The following ATXN2 variants were observed in gnomAD, a reference collection of about 807,000 sequenced individuals.
ATXN2 encodes the protein ataxin-2.
In ATXN2, 37 loss-of-function variants were observed where a neutral mutation model predicts 138.6. That is an observed-to-expected ratio of 0.27 (90% CI 0.21 to 0.35). The LOEUF (loss-of-function observed/expected upper bound fraction) is 0.35, where lower values mean the gene tolerates loss of function less well. ATXN2 is among the 10% of genes least tolerant of loss of function. The pLI, the probability that ATXN2 is intolerant of heterozygous loss-of-function variation, is 1.00. For missense variants in ATXN2, 1,216 were observed against 1,480.3 expected, an observed-to-expected ratio of 0.82 and a Z score of 2.93; for synonymous variants, 549 against 543.7, an observed-to-expected ratio of 1.01 and a Z score of -0.13.
At chr12:111,521,704 C>T (rs1880165727) in intron 6 of ATXN2, among the ~76,000 whole-genome samples, 1 of 152,198 alleles carries the variant, frequency 6.6e-6, no homozygotes, top group Non-Finnish European at 1.5e-5. Context: ...GGTAACTCCA[C>T]AATTCTACGA....
intron 15 of ATXN2, among the ~76,000 whole-genome samples, chr12:111,487,083 C>CT (rs927171584): frequency 3.5e-4 from 51 of 147,510 alleles, no homozygotes; most frequent in Middle Eastern, 3.5e-3. Flanking sequence ...TCAAAAAATA[C>CT]TTTTTTTTTT....
chr12:111,516,053 T>C lies in ATXN2; in HGVS notation c.1375+101A>G, dbSNP rs574268542. On this transcript the variant is annotated intron_variant, in intron 10 of 24. Coordinates refer to ENST00000673436, the MANE Select transcript of ATXN2 (RefSeq NM_001372574.1). The surrounding 1 kb of genome is among the most constrained non-coding windows in gnomAD (Gnocchi z 5.0). ...AACTAAAGTTAAAACACAGAAATTA[T>C]AGGTTATTAAATAATGAAGAGGAAA... 21 of 1,104,694 alleles carry C rather than the reference T, an allele frequency of 1.9e-5. No homozygotes were observed. The highest frequency in any genetic ancestry group is 5.0e-5 in the African/African-American group (3 of 60,486). 68.4% of individuals were successfully genotyped at this position (1,104,694 alleles called of 1,614,324 possible).
At chr12:111,563,091 A>C (rs1471969227) in intron 1 of ATXN2, among the ~76,000 whole-genome samples, 2 of 152,184 alleles carry the variant, frequency 1.3e-5, no homozygotes, top group African/African-American at 4.8e-5. Context: ...ATCTGAATCT[A>C]ATCATAAGGA....
At chr12:111,498,311 T>C (rs1388313861) in intron 14 of ATXN2, among the ~76,000 whole-genome samples, 3 of 152,158 alleles carry the variant, frequency 2.0e-5, no homozygotes, top group Non-Finnish European at 4.4e-5. Context: ...TGATCTTACA[T>C]TTGGAAAAAC....
chr12:111,544,420 G>T (rs570682809), intron 5 of ATXN2, among the ~76,000 whole-genome samples: 1 of 152,266 alleles, frequency 6.6e-6, no homozygotes, highest in Non-Finnish European at 1.5e-5. Context: ...TGTACTATGT[G>T]CCAAAGCACT....
intron 8 of ATXN2, among the ~76,000 whole-genome samples, chr12:111,518,905 T>C (rs1301691092): frequency 6.6e-6 from 1 of 152,186 alleles, no homozygotes; most frequent in East Asian, 1.9e-4. Context: ...GACTCTAAGC[T>C]GACTGCCTTT....
At chr12:111,485,377 T>C (rs538615024) in intron 17 of ATXN2, 46 bp from the exon 18 acceptor site, 10 of 1,513,094 alleles carry the variant, frequency 6.6e-6, no homozygotes, top group South Asian at 4.6e-5. Flanking sequence ...CCTATGATAA[T>C]AACAAGGTAT....
chr12:111,598,490 G>A lies in ATXN2; in HGVS notation c.251+294C>T, dbSNP rs949341353. 1.0e-6 allele frequency: 1 copy of A among 985,142 alleles called. No homozygotes were observed. Among genetic ancestry groups the A allele is most frequent in the Non-Finnish European group, 1.2e-6 (1 of 829,874 alleles). The allele number at this position is 985,142 out of a possible 1,614,324, so 61.0% of individuals were successfully genotyped here. On this transcript the variant is annotated intron_variant, in intron 1 of 24. Coordinates refer to ENST00000673436, the MANE Select transcript of ATXN2 (RefSeq NM_001372574.1). This position sits in a 1 kb window ranked among gnomAD's most constrained non-coding sequence, Gnocchi z 4.5. ...GGGGCTGACCATCGCCGCTACCCGA[G>A]AACCCCTCCCAACACGCGTGGGGAG...
chr12:111,574,300 T>A (rs1173207768), intron 1 of ATXN2, among the ~76,000 whole-genome samples: 1 of 111,256 alleles, frequency 9.0e-6, no homozygotes, highest in African/African-American at 3.7e-5. Context: ...AGAGCAAGAC[T>A]CTGTCTCCAA....
chr12:111,599,408 C>A (rs1265858055), upstream of ATXN2: 8 of 1,171,122 alleles, frequency 6.8e-6, no homozygotes, highest in Non-Finnish European at 8.4e-6. Context: ...CCCGCTCCGC[C>A]GCGCCGGCCG....
chr12:111,578,609 C>T (rs773912893), intron 1 of ATXN2, among the ~76,000 whole-genome samples: 14 of 151,944 alleles, frequency 9.2e-5, no homozygotes, highest in African/African-American at 1.5e-4. Context: ...ATAAGATCAC[C>T]GAAAAAATTT....
chr12:111,554,073 A>G, intron 3 of ATXN2, 85 bp downstream of exon 3: 1 of 908,626 alleles, frequency 1.1e-6, no homozygotes, highest in South Asian at 1.7e-5. Flanking sequence ...TGTTACTTTG[A>G]CAATCATTTA....
Position 111,525,261 on chromosome 12 carries a change from C to T in ATXN2, c.627G>A (p.Lys209=), listed in dbSNP as rs926421104. 6.2e-7 allele frequency: 1 copy of T among 1,613,640 alleles called. No homozygotes were observed. Residue 209 remains lysine, a synonymous_variant, in exon 6 of 25, where the codon AAG becomes AAA. Coordinates refer to ENST00000673436, the MANE Select transcript of ATXN2 (RefSeq NM_001372574.1). Reference sequence around the variant, plus strand: ...CACCTGCATCCCAGGGCTCCAGGTCCTTCTCTTTGTGTTCGCCATTCACTT... The same window carrying T: ...CACCTGCATCCCAGGGCTCCAGGTCTTTCTCTTTGTGTTCGCCATTCACTT... ...SAKVNGEHKE[K]DLEPWDAGEL...
Position 111,516,929 on chromosome 12 carries a change from T to C in ATXN2, c.1166-566A>G, listed in dbSNP as rs1236182114. On this transcript the variant is annotated intron_variant, in intron 9 of 24. Coordinates refer to ENST00000673436, the MANE Select transcript of ATXN2 (RefSeq NM_001372574.1). This position sits in a 1 kb window ranked among gnomAD's most constrained non-coding sequence, Gnocchi z 5.0. Reference sequence around the variant, plus strand: ...TAAGCAAGTCCCATTTAAGTAGAAATAAAACATTACTCTTCTAGAGTTTGT... The same window carrying C: ...TAAGCAAGTCCCATTTAAGTAGAAACAAAACATTACTCTTCTAGAGTTTGT... 6.6e-6 allele frequency among the ~76,000 whole-genome samples: 1 copy of C among 152,108 alleles called. No individual in the cohort carries two copies. Among genetic ancestry groups the C allele is most frequent in the Non-Finnish European group, 1.5e-5 (1 of 67,986 alleles).
chr12:111,457,270 T>C lies in ATXN2; in HGVS notation c.2986A>G (p.Thr996Ala), dbSNP rs370123294. The C allele has an allele frequency of 4.3e-6, 7 of 1,613,792 alleles. No homozygotes were observed. Among genetic ancestry groups the C allele is most frequent in the African/African-American group, 1.3e-5 (1 of 74,824 alleles). Residue 996 changes from threonine (T) to alanine (A), a missense_variant, in exon 22 of 25, where the codon ACT (threonine) becomes GCT (alanine). Transcript: ENST00000673436. The stretch of plus-strand genomic sequence containing the variant: ...CCATGTTGGCTTTGCTGCTGTCCAG[T>C]GGGGGTAGCTGAAGGCTGAGGGTGT... ...TPHPQPSATP[T>A]GQQQSQHGGS...
At chr12:111,492,860 T>C (rs1878132780) in intron 14 of ATXN2, among the ~76,000 whole-genome samples, 1 of 151,920 alleles carries the variant, frequency 6.6e-6, no homozygotes, top group Non-Finnish European at 1.5e-5. Flanking sequence ...AATTCCCAAG[T>C]GATAAGAGAT....
chr12:111,504,945 G>C (rs920400307), intron 14 of ATXN2, among the ~76,000 whole-genome samples: 1 of 152,170 alleles, frequency 6.6e-6, no homozygotes, highest in Non-Finnish European at 1.5e-5. Flanking sequence ...AATTCAGGGC[G>C]AGTCCGCAGT....
At chr12:111,532,700 C>A (rs1036099971) in intron 5 of ATXN2, among the ~76,000 whole-genome samples, 2 of 152,086 alleles carry the variant, frequency 1.3e-5, no homozygotes, top group Non-Finnish European at 2.9e-5. Context: ...GCCCTGAATT[C>A]TCTCCACAAA....
intron 1 of ATXN2, among the ~76,000 whole-genome samples, chr12:111,581,995 G>T (rs12369009): frequency 0.62 from 94,604 of 151,388 alleles, 33,751 homozygotes; most frequent in Non-Finnish European, 0.79. Flanking sequence ...AAATGCGTTT[G>T]ACTCTACATT....
Sources: gnomAD v4.1 joint callset for allele counts (sites outside exome capture counted in the v4.1 genomes callset) on GRCh38, gnomAD v4.1.1 for gene constraint, Gnocchi (gnomAD v3.1) non-coding constraint, MANE v1.5 for transcripts, NCBI Gene and HGNC (gene_info 2026-07-23, HGNC 2026-07-21) for gene names.